The following LUZP2 variants were observed in gnomAD, a reference collection of about 807,000 sequenced individuals.
LUZP2 encodes the protein leucine zipper protein 2.
Under a neutral mutation model 51.6 loss-of-function variants are expected in LUZP2, and 52 were observed. That is an observed-to-expected ratio of 1.01 (90% confidence interval 0.81 to 1.27). The LOEUF is 1.27. Ranked by LOEUF, LUZP2 falls within the 50% of genes most tolerant of loss-of-function variation. The pLI is 0.00. For missense variants in LUZP2, 436 were observed against 395.4 expected, an observed-to-expected ratio of 1.10 and a Z score of -0.87; for synonymous variants, 154 against 137.3, an observed-to-expected ratio of 1.12 and a Z score of -0.85.
intron 7 of LUZP2, among the ~76,000 whole-genome samples, chr11:24,922,796 T>C (rs980782065): frequency 2.0e-5 from 3 of 150,362 alleles, no homozygotes; most frequent in Non-Finnish European, 2.9e-5. Flanking sequence ...TTTCTGAAAT[T>C]ATGGGACTAC....
chr11:24,566,644 AC>A (rs1852235243), intron 1 of LUZP2, among the ~76,000 whole-genome samples: 1 of 147,436 alleles, frequency 6.8e-6, no homozygotes, highest in South Asian at 2.1e-4. Flanking sequence ...ACACACACAC[AC>A]AAAAATTAGC....
chr11:24,745,869 G>T (rs1192041026), intron 4 of LUZP2, among the ~76,000 whole-genome samples: 1 of 151,956 alleles, frequency 6.6e-6, no homozygotes, highest in Non-Finnish European at 1.5e-5. Flanking sequence ...GTAGAGATGG[G>T]GTTTCGCCAT....
chr11:24,718,384 A>G (rs1466785278), intron 1 of LUZP2, among the ~76,000 whole-genome samples: 8 of 152,228 alleles, frequency 5.3e-5, no homozygotes, highest in Admixed American at 4.6e-4. Flanking sequence ...TCTTTTGCGC[A>G]GATTAATCAG....
chr11:24,954,161 T>C (rs1465784064), intron 7 of LUZP2, among the ~76,000 whole-genome samples: 6 of 152,042 alleles, frequency 3.9e-5, no homozygotes, highest in African/African-American at 1.2e-4. Flanking sequence ...ATAGCAAGGG[T>C]AACCTATAGT....
At chr11:24,931,906 G>T (rs1297438874) in intron 7 of LUZP2, among the ~76,000 whole-genome samples, 1 of 152,054 alleles carries the variant, frequency 6.6e-6, no homozygotes, top group East Asian at 1.9e-4. Flanking sequence ...GGAAGATCTG[G>T]GGTTCAGGGG....
chr11:25,074,502 T>A (rs944407350), intron 10 of LUZP2, among the ~76,000 whole-genome samples: 2 of 152,182 alleles, frequency 1.3e-5, no homozygotes, highest in Admixed American at 6.6e-5. Context: ...ATTATTCAGA[T>A]GATCAAAGGC....
intron 5 of LUZP2, among the ~76,000 whole-genome samples, chr11:24,817,602 A>G (rs748711723): frequency 1.3e-4 from 20 of 152,030 alleles, no homozygotes; most frequent in Non-Finnish European, 2.6e-4. Flanking sequence ...CAAGTTCTTG[A>G]AAAACAAAAT....
intron 7 of LUZP2, among the ~76,000 whole-genome samples, chr11:24,939,243 C>T (rs1854676502): frequency 6.6e-6 from 1 of 152,028 alleles, no homozygotes; most frequent in Non-Finnish European, 1.5e-5. Context: ...ACTTGTTTAA[C>T]TTTTTTTGTT....
At chr11:24,858,410 A>G (rs7125497) in intron 5 of LUZP2, among the ~76,000 whole-genome samples, 23,644 of 152,134 alleles carry the variant, frequency 0.16, 1,990 homozygotes, top group African/African-American at 0.21. Context: ...TGGTTTCCAA[A>G]GCAACCCAAG....
intron 5 of LUZP2, among the ~76,000 whole-genome samples, chr11:24,788,629 T>C (rs1327567101): frequency 6.6e-6 from 1 of 152,190 alleles, no homozygotes; most frequent in Non-Finnish European, 1.5e-5. Flanking sequence ...TATATATTCA[T>C]ATAAATATGT....
intron 5 of LUZP2, among the ~76,000 whole-genome samples, chr11:24,899,085 T>A (rs1022673737): frequency 2.0e-5 from 3 of 152,182 alleles, no homozygotes; most frequent in Non-Finnish European, 2.9e-5. Flanking sequence ...ACTATCAAAT[T>A]TTCATACGTT....
At chr11:24,775,351 G>A (rs964684464) in intron 5 of LUZP2, among the ~76,000 whole-genome samples, 1 of 149,538 alleles carries the variant, frequency 6.7e-6, no homozygotes, top group Admixed American at 6.6e-5. Context: ...TTTCAGGCCA[G>A]CTTACTTGCA....
At chr11:24,599,686 TCA>T (rs1213273215) in intron 1 of LUZP2, among the ~76,000 whole-genome samples, 5 of 152,206 alleles carry the variant, frequency 3.3e-5, no homozygotes, top group Non-Finnish European at 7.3e-5. Flanking sequence ...TTACCATATT[TCA>T]CAGTTTTTTT....
At position 25,078,921 on chromosome 11, in the gene LUZP2, C is replaced by T. The variant is rs1194597485; in HGVS notation, c.*263C>T. On this transcript the variant is annotated 3_prime_UTR_variant, in exon 12 of 12. Coordinates refer to ENST00000336930, the MANE Select transcript of LUZP2 (RefSeq NM_001009909.4). ...CCATATAAATTGGTCTGGTTTAACTCAAATGCTATCTAACATGTAATTCTC... is the reference window on the plus strand; with the variant it reads ...CCATATAAATTGGTCTGGTTTAACTTAAATGCTATCTAACATGTAATTCTC... 6.1e-6 allele frequency: 2 copies of T among 327,530 alleles called. No individual in the cohort carries two copies. The highest frequency in any genetic ancestry group is 4.4e-5 in the African/African-American group (2 of 45,570). The allele number at this position is 327,530 out of a possible 1,614,324, so 20.3% of individuals were successfully genotyped here.
At chr11:24,619,328 C>T (rs561166878) in intron 1 of LUZP2, among the ~76,000 whole-genome samples, 1 of 152,276 alleles carries the variant, frequency 6.6e-6, no homozygotes, top group South Asian at 2.1e-4. Flanking sequence ...GTCACCCTGC[C>T]AGAGGCCAAC....
chr11:24,706,999 TAAA>T (rs756567659), intron 1 of LUZP2, among the ~76,000 whole-genome samples: 2 of 61,866 alleles, frequency 3.2e-5, no homozygotes, highest in Admixed American at 1.5e-4. Flanking sequence ...TTGCTAAAAA[TAAA>T]AAAAAAAAAG....
intron 5 of LUZP2, among the ~76,000 whole-genome samples, chr11:24,825,677 C>T (rs1248729574): frequency 6.6e-6 from 1 of 151,988 alleles, no homozygotes; most frequent in African/African-American, 2.4e-5. Context: ...AGGACTTTTT[C>T]CATGCTCATG....
chr11:24,762,545 A>G (rs894899562), intron 4 of LUZP2, among the ~76,000 whole-genome samples: 4 of 152,180 alleles, frequency 2.6e-5, no homozygotes, highest in African/African-American at 7.2e-5. Flanking sequence ...ATCCACTGTC[A>G]TAGTTATTTT....
chr11:24,583,869 A>G lies in LUZP2; in HGVS notation c.62+86564A>G, dbSNP rs967818964. 1.6e-4 allele frequency among the ~76,000 whole-genome samples: 16 copies of G among 101,086 alleles called. 1 individual carries two copies. The highest frequency in any genetic ancestry group is 5.1e-4 in the African/African-American group (16 of 31,174). The allele number at this position is 101,086 out of a possible 152,430, so 66.3% of individuals were successfully genotyped here. On this transcript the variant is annotated intron_variant, in intron 1 of 11. Transcript: ENST00000336930. ...CAGGAGCCCGCCACCATGACCAGCT[A>G]ATTTTTTGTATTTTTTTTTTTTTTG... is the stretch of plus-strand genomic sequence containing the variant.
Sources: allele counts gnomAD v4.1 joint callset (sites outside exome capture counted in the v4.1 genomes callset), GRCh38; gene constraint gnomAD v4.1.1; transcripts MANE v1.5; gene names NCBI Gene and HGNC (gene_info 2026-07-23, HGNC 2026-07-21).